TRIO: variants seen among roughly 807,000 people sequenced by gnomAD.
TRIO encodes trio Rho guanine nucleotide exchange factor.
TRIO carries 58 observed loss-of-function variants against 351.9 expected under a neutral mutation model. The ratio of observed to expected loss-of-function variants is 0.16; its 90% CI spans 0.13 to 0.21. The LOEUF is 0.21. Among genes scored for constraint, TRIO ranks in the 10% least tolerant of loss-of-function variants. The pLI, the probability that TRIO is intolerant of heterozygous loss-of-function variation, is 1.00. For synonymous variants in TRIO, 1,758 were observed against 1,595.7 expected, an observed-to-expected ratio of 1.10 and a Z score of -2.42; for missense variants, 3,201 against 4,027.8, an observed-to-expected ratio of 0.79 and a Z score of 5.56.
Position 14,280,401 on chromosome 5 carries a change from C to T in TRIO, c.312C>T (p.Leu104=). 1.9e-6 allele frequency: 3 copies of T among 1,614,106 alleles called. No individual in the cohort carries two copies. Among genetic ancestry groups the T allele is most frequent in the Non-Finnish European group, 2.5e-6 (3 of 1,180,008 alleles). The change falls in exon 3 of 57, where the codon CTC becomes CTT. Residue 104 remains leucine, a synonymous_variant. Coordinates refer to ENST00000344204, the MANE Select transcript of TRIO (RefSeq NM_007118.4). Reference sequence around the variant, plus strand: ...ATGACAGAATACGACAGGAGGATCTCAGGAGACTCATTTCCTATCTAGCCT... The same window carrying T: ...ATGACAGAATACGACAGGAGGATCTTAGGAGACTCATTTCCTATCTAGCCT... ...SNHDRIRQED[L]RRLISYLACI... is the part of the protein sequence containing the mutation.
rs953259205 is a variant in TRIO at position 14,293,057 on chromosome 5, T to C, written c.1099T>C (p.Tyr367His). The C allele has an allele frequency of 1.2e-6, 2 of 1,614,050 alleles. No individual in the cohort carries two copies. Among genetic ancestry groups the C allele is most frequent in the African/African-American group, 2.7e-5 (2 of 74,922 alleles). Residue 367 changes from tyrosine to histidine, a missense_variant, in exon 6 of 57, where the codon TAC (tyrosine) becomes CAC (histidine). Tyr to His is a moderately conservative substitution (Grantham distance 83). Transcript: ENST00000344204. ...CAACAAAGGCCTGTTTCTAAACAGC[T>C]ACACAGAGATTGGGACCAGCCACCC... ...THNKGLFLNS[Y>H]TEIGTSHPHA...
intron 19 of TRIO, among the ~76,000 whole-genome samples, chr5:14,377,723 A>G (rs1745688191): frequency 6.6e-6 from 1 of 152,202 alleles, no homozygotes; most frequent in South Asian, 2.1e-4. Flanking sequence ...ATTATGTCGA[A>G]TTCATATTAC....
intron 9 of TRIO, among the ~76,000 whole-genome samples, chr5:14,320,633 A>G (rs1202157456): frequency 2.0e-5 from 3 of 152,198 alleles, no homozygotes; most frequent in Non-Finnish European, 4.4e-5. Flanking sequence ...AGTCCACTCT[A>G]AATTCTTCTT....
At chr5:14,388,060 C>T in intron 23 of TRIO, 1 of 548,382 alleles carries the variant, frequency 1.8e-6, no homozygotes, top group South Asian at 2.6e-5. Context: ...TATCCCTGTG[C>T]CTGTGTTTCA....
At chr5:14,190,805 C>T (rs1201735441) in intron 1 of TRIO, among the ~76,000 whole-genome samples, 1 of 152,092 alleles carries the variant, frequency 6.6e-6, no homozygotes, top group Non-Finnish European at 1.5e-5. Flanking sequence ...CTGTTATGAT[C>T]ACCTCAGAAG....
intron 34 of TRIO, among the ~76,000 whole-genome samples, chr5:14,421,186 T>C (rs1750097005): frequency 6.6e-6 from 1 of 151,598 alleles, no homozygotes; most frequent in Non-Finnish European, 1.5e-5. Context: ...CTCAGAACTG[T>C]ATCCATTTTT....
chr5:14,270,655 C>T (rs1795927580), intron 1 of TRIO, among the ~76,000 whole-genome samples, 170 bp from the exon 2 acceptor site: 1 of 152,106 alleles, frequency 6.6e-6, no homozygotes, highest in African/African-American at 2.4e-5. Flanking sequence ...AAATAGAAGA[C>T]AGTTTTGTGA....
Position 14,358,358 on chromosome 5 carries a change from C to G in TRIO, c.2216+11C>G. On this transcript the variant is annotated intron_variant, in intron 12 of 56. Transcript: ENST00000344204. ...CATCCAGCAGCTCAGGTGGGCCTCA[C>G]CCCTCTCCTGGTCCGAACAGATTCT... 4 of 1,613,626 alleles carry G rather than the reference C, an allele frequency of 2.5e-6. No individual in the cohort carries two copies. Among genetic ancestry groups the G allele is most frequent in the Non-Finnish European group, 2.5e-6 (3 of 1,179,610 alleles).
chr5:14,312,566 A>G (rs973987385), intron 8 of TRIO, among the ~76,000 whole-genome samples: 1 of 152,246 alleles, frequency 6.6e-6, no homozygotes, highest in African/African-American at 2.4e-5. Context: ...AAATTATTAT[A>G]GGAAAGTCCT....
In TRIO at chr5:14,252,523, A is replaced by G. The variant is rs534195958; in HGVS notation, c.158-18302A>G. ...CTTACCTGGATCCCCGAGGGACTTCATCTGTGTCCTTTTTAAATGGTACCT... is the reference window on the plus strand; with the variant it reads ...CTTACCTGGATCCCCGAGGGACTTCGTCTGTGTCCTTTTTAAATGGTACCT... On this transcript the variant is annotated intron_variant, in intron 1 of 56. Transcript: ENST00000344204. Among the ~76,000 whole-genome samples, 3 of 152,328 alleles carry G rather than the reference A, an allele frequency of 2.0e-5. No homozygotes were observed. The East Asian group carries it at 5.8e-4, about 29-fold the overall frequency.
intron 49 of TRIO, among the ~76,000 whole-genome samples, chr5:14,494,262 G>A (rs1424229760): frequency 6.6e-6 from 1 of 152,184 alleles, no homozygotes. Context: ...TTTGATGGCA[G>A]TTTTTACAAC....
At chr5:14,473,849 G>GTT in intron 39 of TRIO, 145 bp from the exon 40 acceptor site, 1 of 638,676 alleles carries the variant, frequency 1.6e-6, no homozygotes. Flanking sequence ...TTTCATATCG[G>GTT]TTTTTTTTGT....
chr5:14,146,195 G>T (rs1055967975), intron 1 of TRIO, among the ~76,000 whole-genome samples: 1 of 152,070 alleles, frequency 6.6e-6, no homozygotes, highest in Non-Finnish European at 1.5e-5. Context: ...TGTGGGGGTG[G>T]GGTTTGAACA....
chr5:14,506,441 G>C (rs1442408187), intron 55 of TRIO, among the ~76,000 whole-genome samples: 5 of 152,186 alleles, frequency 3.3e-5, no homozygotes, highest in Non-Finnish European at 7.3e-5. Flanking sequence ...GTCCAATCCT[G>C]GCTTCTCCAC....
At chr5:14,183,939 C>G (rs765924519) in intron 1 of TRIO, 2 of 697,638 alleles carry the variant, frequency 2.9e-6, no homozygotes, top group South Asian at 3.0e-5. Context: ...TAATAAATTA[C>G]CCAAGAGGAC....
At position 14,508,735 on chromosome 5, in the gene TRIO, C is replaced by A. The variant is rs965681508; in HGVS notation, c.*313C>A. 1.9e-5 allele frequency: 5 copies of A among 260,130 alleles called. No homozygotes were observed. The Admixed American group carries it at 2.5e-4, about 13-fold the overall frequency. The allele number at this position is 260,130 out of a possible 1,614,324, so 16.1% of individuals were successfully genotyped here. On this transcript the variant is annotated 3_prime_UTR_variant, in exon 57 of 57. Coordinates refer to ENST00000344204, the MANE Select transcript of TRIO (RefSeq NM_007118.4). ...CATGAATAGAATTTTGCAAATTTAA[C>A]GTTTTCAAGATTTATTCAAGGAAAC...
chr5:14,279,897 A>G (rs1735845033), intron 2 of TRIO, among the ~76,000 whole-genome samples: 1 of 152,204 alleles, frequency 6.6e-6, no homozygotes, highest in African/African-American at 2.4e-5. Context: ...ACTTAGACCC[A>G]TCTTGTTGAT....
At chr5:14,472,693 A>T in intron 39 of TRIO, 35 bp downstream of exon 39, 1 of 1,607,384 alleles carries the variant, frequency 6.2e-7, no homozygotes, top group South Asian at 1.1e-5. Context: ...TCTTCGTATC[A>T]GTTCCAAGAG....
At chr5:14,159,026 C>A (rs774942780) in intron 1 of TRIO, among the ~76,000 whole-genome samples, 1 of 152,138 alleles carries the variant, frequency 6.6e-6, no homozygotes, top group South Asian at 2.1e-4. Context: ...TAACTTGCCC[C>A]AGCTCAGGTG....
Sources: allele counts gnomAD v4.1 joint callset (sites outside exome capture counted in the v4.1 genomes callset), GRCh38; gene constraint gnomAD v4.1.1; transcripts MANE v1.5; gene names NCBI Gene and HGNC (gene_info 2026-07-23, HGNC 2026-07-21).